The following KLF12 variants were observed in gnomAD, a reference collection of about 807,000 sequenced individuals.
The protein encoded by KLF12 is Krueppel-like factor 12.
KLF12 carries 9 observed loss-of-function variants against 37.8 expected under a neutral mutation model. The ratio of observed to expected loss-of-function variants is 0.24; its 90% CI spans 0.14 to 0.42. The LOEUF (loss-of-function observed/expected upper bound fraction) is 0.42, where lower values mean the gene tolerates loss of function less well. Among genes scored for constraint, KLF12 ranks in the 10% least tolerant of loss-of-function variants. The pLI is 1.00. For synonymous variants in KLF12, 208 were observed against 202.1 expected (o/e 1.03, Z -0.25); for missense variants, 411 against 516.0 (o/e 0.80, Z 1.97).
intron 3 of KLF12, among the ~76,000 whole-genome samples, chr13:73,869,039 A>G (rs1886336232): frequency 6.6e-6 from 1 of 152,108 alleles, no homozygotes; most frequent in East Asian, 1.9e-4. Flanking sequence ...TCTTTATCTG[A>G]TTGTTAGTTA....
chr13:73,955,612 A>AT (rs1890807610), intron 2 of KLF12, among the ~76,000 whole-genome samples: 1 of 152,236 alleles, frequency 6.6e-6, no homozygotes, highest in African/African-American at 2.4e-5. Context: ...CAAATTCTAT[A>AT]TTTGACATAG....
At chr13:73,968,151 A>C (rs1048819771) in intron 2 of KLF12, among the ~76,000 whole-genome samples, 1 of 152,186 alleles carries the variant, frequency 6.6e-6, no homozygotes, top group African/African-American at 2.4e-5. Flanking sequence ...AACTTCAACT[A>C]TCTCTCAAGG....
At chr13:74,177,663 C>A in the KLF12 span, among the ~76,000 whole-genome samples, 10 of 152,088 alleles carry the variant, frequency 6.6e-5, no homozygotes, top group South Asian at 1.5e-3. Context: ...AATGAAGAAG[C>A]CTGAAAGTAA....
intron 2 of KLF12, among the ~76,000 whole-genome samples, chr13:73,944,698 A>T (rs977825164): frequency 1.3e-5 from 2 of 152,206 alleles, no homozygotes; most frequent in African/African-American, 4.8e-5. Flanking sequence ...TTATTCTGGT[A>T]TATGTTTTGC....
chr13:74,088,335 C>T (rs994258876), intron 1 of KLF12, among the ~76,000 whole-genome samples: 1 of 151,748 alleles, frequency 6.6e-6, no homozygotes, highest in African/African-American at 2.4e-5. Context: ...TCACGCAATT[C>T]TCCCACCACA....
intron 5 of KLF12, among the ~76,000 whole-genome samples, chr13:73,795,723 G>A (rs1881923009): frequency 6.6e-6 from 1 of 152,148 alleles, no homozygotes. Flanking sequence ...AGGTTAGAGA[G>A]CTATAAAATA....
At chr13:74,295,865 G>A in the KLF12 span, among the ~76,000 whole-genome samples, 9 of 152,220 alleles carry the variant, frequency 5.9e-5, no homozygotes, top group East Asian at 1.5e-3. Context: ...CCAGGCTGGA[G>A]TACAGTGGCG....
chr13:73,984,355 T>G (rs1340807566), intron 2 of KLF12, among the ~76,000 whole-genome samples: 1 of 152,216 alleles, frequency 6.6e-6, no homozygotes, highest in African/African-American at 2.4e-5. Flanking sequence ...CTCTCCTCGC[T>G]GGCACAGGGA....
chr13:73,898,449 A>T (rs1887890454), intron 3 of KLF12, among the ~76,000 whole-genome samples: 1 of 152,202 alleles, frequency 6.6e-6, no homozygotes, highest in South Asian at 2.1e-4. Context: ...CTATTTAATG[A>T]CAGTCATAAA....
At chr13:74,234,943 A>T in the KLF12 span, among the ~76,000 whole-genome samples, 1 of 134,268 alleles carries the variant, frequency 7.4e-6, no homozygotes, top group South Asian at 2.2e-4. Context: ...CTGAGTACTC[A>T]CTCTCTATCT....
chr13:73,882,005 T>C lies in KLF12; in HGVS notation c.124-35632A>G, dbSNP rs568354349. The stretch of plus-strand genomic sequence containing the variant: ...CTGATTTGTGGCTTTGTCTACGAAA[T>C]GAACAGAAATTAAAAACTAAGGGCT... On this transcript the variant is annotated intron_variant, in intron 3 of 7. Coordinates refer to ENST00000377669, the MANE Select transcript of KLF12 (RefSeq NM_007249.5). 2.6e-5 allele frequency among the ~76,000 whole-genome samples: 4 copies of C among 152,270 alleles called. No individual in the cohort carries two copies. In the East Asian group the frequency reaches 7.7e-4, roughly 29 times the overall value.
the KLF12 span, among the ~76,000 whole-genome samples, chr13:74,212,066 A>T: frequency 2.0e-5 from 3 of 152,304 alleles, no homozygotes; most frequent in South Asian, 6.2e-4. Flanking sequence ...AGAAACTTGC[A>T]AAGTAATGAG....
intron 3 of KLF12, among the ~76,000 whole-genome samples, chr13:73,899,567 T>C (rs551484064): frequency 6.6e-6 from 1 of 152,140 alleles, no homozygotes; most frequent in African/African-American, 2.4e-5. Context: ...GGTATAGCTA[T>C]AGGGGTGTTT....
intron 5 of KLF12, among the ~76,000 whole-genome samples, chr13:73,766,286 T>A (rs1283243654): frequency 2.0e-5 from 3 of 152,068 alleles, no homozygotes; most frequent in African/African-American, 4.8e-5. Flanking sequence ...GCTACAAGGA[T>A]CACCTGTTGG....
chr13:74,015,014 C>CTTTTCATGAT (rs1199396824), intron 1 of KLF12, among the ~76,000 whole-genome samples: 1 of 152,042 alleles, frequency 6.6e-6, no homozygotes, highest in Non-Finnish European at 1.5e-5. Flanking sequence ...CAGTTTATTA[C>CTTTTCATGAT]CTTTTCATGA....
rs980266087 is a variant in KLF12 at position 73,739,126 on chromosome 13, C to T, written c.870-23601G>A. On this transcript the variant is annotated intron_variant, in intron 6 of 7. Transcript: ENST00000377669. ...GGTGCATGCCTGTAATCCCACTACT[C>T]GGGAGGCTGAGGCAGGAGAATTGCT... 2.6e-5 allele frequency among the ~76,000 whole-genome samples: 4 copies of T among 151,784 alleles called. No individual in the cohort carries two copies. In the East Asian group the frequency reaches 7.8e-4, roughly 29 times the overall value.
chr13:73,844,906 G>C (rs937608251), intron 4 of KLF12: 1 of 152,138 alleles, frequency 6.6e-6, no homozygotes, highest in Admixed American at 6.6e-5. Context: ...TACTTTAAAA[G>C]GGAATAAGTC....
At chr13:73,915,432 C>T (rs1888773441) in intron 3 of KLF12, among the ~76,000 whole-genome samples, 1 of 152,164 alleles carries the variant, frequency 6.6e-6, no homozygotes. Context: ...TGCCTGCCTG[C>T]CTGCCTGAGC....
chr13:73,964,649 T>C (rs1003394509), intron 2 of KLF12, among the ~76,000 whole-genome samples: 5 of 150,902 alleles, frequency 3.3e-5, no homozygotes, highest in African/African-American at 9.7e-5. Flanking sequence ...AGTTTTAGTG[T>C]ATACCCGAAA....
Sources: allele counts gnomAD v4.1 joint callset (sites outside exome capture counted in the v4.1 genomes callset), GRCh38; gene constraint gnomAD v4.1.1; transcripts MANE v1.5; gene names NCBI Gene and HGNC (gene_info 2026-07-23, HGNC 2026-07-21).